ATP11A: variants seen among roughly 807,000 people sequenced by gnomAD.
The protein encoded by ATP11A is ATPase phospholipid transporting 11A.
A neutral mutation model predicts 154.4 loss-of-function variants in ATP11A; 81 were observed. The observed-to-expected ratio is 0.52, with a 90% confidence interval of 0.44 to 0.63. ATP11A has a LOEUF of 0.63. Among genes scored for constraint, ATP11A ranks in the 30% least tolerant of loss-of-function variants. The pLI, the probability that ATP11A is intolerant of heterozygous loss-of-function variation, is 0.00. For missense variants in ATP11A, 1,316 were observed against 1,474.3 expected (o/e 0.89, Z 1.76); for synonymous variants, 623 against 585.9 (o/e 1.06, Z -0.91).
In ATP11A at chr13:112,748,877, G is replaced by A. The variant is rs138034829; in HGVS notation, c.40-36258G>A. On this transcript the variant is annotated intron_variant, in intron 1 of 29. Transcript: ENST00000375645. ...CGGATCTAACTACTGGAGGAGCTTC[G>A]AGGTCATGCCAGTGTCCTTAACACT... Among the ~76,000 whole-genome samples the A allele has an allele frequency of 4.7e-3, 709 of 152,292 alleles. 3 individuals carry two copies. Among genetic ancestry groups the A allele is most frequent in the Non-Finnish European group, 7.5e-3 (513 of 68,032 alleles).
At chr13:112,865,611 G>A (rs921059732) in intron 25 of ATP11A, among the ~76,000 whole-genome samples, 16 of 152,180 alleles carry the variant, frequency 1.1e-4, no homozygotes, top group African/African-American at 3.1e-4. Flanking sequence ...GTGCAATGGC[G>A]CAGTCTTGGC....
At chr13:112,727,822 G>A (rs965720128) in intron 1 of ATP11A, among the ~76,000 whole-genome samples, 26 of 152,348 alleles carry the variant, frequency 1.7e-4, no homozygotes, top group Non-Finnish European at 2.6e-4. Context: ...CACGCAGCTC[G>A]GGGACTCCGG....
chr13:112,787,395 CA>C (rs2077669773), intron 2 of ATP11A, among the ~76,000 whole-genome samples: 5 of 128,778 alleles, frequency 3.9e-5, no homozygotes, highest in African/African-American at 7.8e-5. Context: ...TAATCCACAC[CA>C]GTGTCCTAAT....
At chr13:112,789,465 G>A (rs2077771001) in intron 2 of ATP11A, among the ~76,000 whole-genome samples, 1 of 145,520 alleles carries the variant, frequency 6.9e-6, no homozygotes, top group Non-Finnish European at 1.5e-5. Flanking sequence ...GACCCTTGCG[G>A]AGACCTACTT....
intron 24 of ATP11A, among the ~76,000 whole-genome samples, chr13:112,861,188 C>T (rs927074285): frequency 6.6e-6 from 1 of 152,160 alleles, no homozygotes; most frequent in Non-Finnish European, 1.5e-5. Context: ...GAAAAAACCA[C>T]CCCCATGACT....
At chr13:112,842,174 C>G in intron 16 of ATP11A, 102 bp from the exon 17 acceptor site, 1 of 912,690 alleles carries the variant, frequency 1.1e-6, no homozygotes, top group Non-Finnish European at 1.7e-6. Flanking sequence ...GCTTTCCACA[C>G]TGCTATCCCT....
intron 1 of ATP11A, among the ~76,000 whole-genome samples, chr13:112,728,210 A>G (rs1890082731): frequency 6.6e-6 from 1 of 152,140 alleles, no homozygotes; most frequent in African/African-American, 2.4e-5. Flanking sequence ...TACCCAGATA[A>G]CTGGACTGGT....
intron 1 of ATP11A, among the ~76,000 whole-genome samples, chr13:112,718,483 C>T (rs75038008): frequency 2.0e-5 from 3 of 152,226 alleles, no homozygotes; most frequent in South Asian, 2.1e-4. Context: ...TGAAATACCC[C>T]CAGAGGGCAG....
At chr13:112,715,409 C>T (rs111462736) in intron 1 of ATP11A, among the ~76,000 whole-genome samples, 39 of 117,020 alleles carry the variant, frequency 3.3e-4, no homozygotes, top group East Asian at 5.7e-4. Flanking sequence ...CCTGGCCCAC[C>T]TCCCCACACC....
At chr13:112,790,213 C>T (rs1443451291) in intron 2 of ATP11A, among the ~76,000 whole-genome samples, 1 of 150,812 alleles carries the variant, frequency 6.6e-6, no homozygotes, top group African/African-American at 2.4e-5. Flanking sequence ...ACCAGGAGTC[C>T]TGATATGTAG....
At chr13:112,813,659 G>A (rs76268593) in intron 5 of ATP11A, among the ~76,000 whole-genome samples, 3,876 of 152,246 alleles carry the variant, frequency 0.025, 60 homozygotes, top group Non-Finnish European at 0.036. Flanking sequence ...GCATATCCAC[G>A]TTTGGTTTTG....
At chr13:112,737,382 A>T (rs1394734581) in intron 1 of ATP11A, among the ~76,000 whole-genome samples, 9 of 152,374 alleles carry the variant, frequency 5.9e-5, no homozygotes, top group Non-Finnish European at 1.0e-4. Context: ...TGAGCAAGTT[A>T]TCCTTCGGTG....
chr13:112,869,769 A>G (rs1455493602), intron 25 of ATP11A, among the ~76,000 whole-genome samples: 1 of 152,216 alleles, frequency 6.6e-6, no homozygotes, highest in Admixed American at 6.5e-5. Context: ...GCCCTCCAGC[A>G]CCTTGCTGGC....
At chr13:112,796,867 A>G (rs372438621) in intron 2 of ATP11A, among the ~76,000 whole-genome samples, 12 of 152,318 alleles carry the variant, frequency 7.9e-5, no homozygotes, top group African/African-American at 2.4e-4. Context: ...GTGGTGTGCA[A>G]AGGACCCGTG....
chr13:112,792,994 C>T (rs533178222), intron 2 of ATP11A, among the ~76,000 whole-genome samples: 3 of 152,326 alleles, frequency 2.0e-5, no homozygotes, highest in Non-Finnish European at 2.9e-5. Context: ...CCAGTGTTTT[C>T]ATGACTTCTA....
At chr13:112,758,378 G>A (rs1453734315) in intron 1 of ATP11A, among the ~76,000 whole-genome samples, 1 of 150,938 alleles carries the variant, frequency 6.6e-6, no homozygotes, top group African/African-American at 2.4e-5. Context: ...GACATTTGAA[G>A]TAAGAAGAAT....
At position 112,881,905 on chromosome 13, in the gene ATP11A, G is replaced by A. The variant is rs200373468; in HGVS notation, c.*39G>A. 1.2e-4 allele frequency: 159 copies of A among 1,367,554 alleles called. No individual in the cohort carries two copies. The highest frequency in any genetic ancestry group is 1.4e-4 in the Non-Finnish European group (146 of 1,021,976). 84.7% of individuals were successfully genotyped at this position (1,367,554 alleles called of 1,614,324 possible). ...CAGGCTACCAGAGCACCTGTCCCTCGGCCGCCTGGTACAGCTCCCACTCTC... is the reference window on the plus strand; with the variant it reads ...CAGGCTACCAGAGCACCTGTCCCTCAGCCGCCTGGTACAGCTCCCACTCTC... On this transcript the variant is annotated 3_prime_UTR_variant, in exon 30 of 30. Transcript: ENST00000375645.
At chr13:112,843,158 C>T (rs924450110) in intron 17 of ATP11A, among the ~76,000 whole-genome samples, 3 of 151,986 alleles carry the variant, frequency 2.0e-5, no homozygotes, top group African/African-American at 4.8e-5. Flanking sequence ...GATGTCCTAA[C>T]GCCGAGTGAC....
Position 112,807,494 on chromosome 13 carries a change from A to T in ATP11A, c.333+1201A>T, listed in dbSNP as rs2078355707. Among the ~76,000 whole-genome samples the T allele has an allele frequency of 2.0e-5, 3 of 152,184 alleles. No homozygotes were observed. Reference sequence around the variant, plus strand: ...ACGAACTGTGCTGCCTGGAGAACAGAACATGAGGGAGACTCACGCTTCCCA... The same window carrying T: ...ACGAACTGTGCTGCCTGGAGAACAGTACATGAGGGAGACTCACGCTTCCCA... On this transcript the variant is annotated intron_variant, in intron 4 of 29. Transcript: ENST00000375645. This position sits in a 1 kb window ranked among gnomAD's most constrained non-coding sequence, Gnocchi z 4.5.
Sources: gnomAD v4.1 joint callset for allele counts (sites outside exome capture counted in the v4.1 genomes callset) on GRCh38, gnomAD v4.1.1 for gene constraint, Gnocchi (gnomAD v3.1) non-coding constraint, MANE v1.5 for transcripts, NCBI Gene and HGNC (gene_info 2026-07-23, HGNC 2026-07-21) for gene names.